The following NFKBIZ variants were observed in gnomAD, a reference collection of about 807,000 sequenced individuals.
NFKBIZ encodes NFKB inhibitor zeta.
Under a neutral mutation model 76.8 loss-of-function variants are expected in NFKBIZ, and 19 were observed. That is an observed-to-expected ratio of 0.25 (90% CI 0.17 to 0.36). The LOEUF (loss-of-function observed/expected upper bound fraction) is 0.36. Ranked by LOEUF, NFKBIZ falls within the 10% of genes least tolerant of loss-of-function variation. The probability of loss-of-function intolerance (pLI) is 1.00; values close to 1 mark genes in which losing one functional copy is unlikely to be tolerated. For missense variants in NFKBIZ, 829 were observed against 910.9 expected, an observed-to-expected ratio of 0.91 and a Z score of 1.16; for synonymous variants, 368 against 354.8, an observed-to-expected ratio of 1.04 and a Z score of -0.42.
chr3:101,842,197 A>G (rs771576799), intron 2 of NFKBIZ, among the ~76,000 whole-genome samples: 1 of 152,150 alleles, frequency 6.6e-6, no homozygotes, highest in Non-Finnish European at 1.5e-5. Flanking sequence ...TTGGATATTA[A>G]GTGAGTCTTG....
At chr3:101,834,796 G>C (rs1407932624) in intron 2 of NFKBIZ, among the ~76,000 whole-genome samples, 4 of 152,226 alleles carry the variant, frequency 2.6e-5, no homozygotes, top group African/African-American at 9.6e-5. Context: ...GACTGTTGCA[G>C]AGTCTTTCCT....
chr3:101,833,185 T>C (rs908587049), intron 2 of NFKBIZ, among the ~76,000 whole-genome samples: 1 of 152,192 alleles, frequency 6.6e-6, no homozygotes, highest in Admixed American at 6.5e-5. Context: ...TTTGGACCGC[T>C]GGCAATGCAG....
intron 3 of NFKBIZ, 58 bp from the exon 4 acceptor site, chr3:101,852,828 T>G (rs1265633618): frequency 6.2e-7 from 1 of 1,601,938 alleles, no homozygotes; most frequent in Non-Finnish European, 8.5e-7. Flanking sequence ...TAGAGTGTAA[T>G]TATGGGTAAC....
intron 2 of NFKBIZ, among the ~76,000 whole-genome samples, chr3:101,833,956 C>T (rs1024316917): frequency 6.6e-6 from 1 of 152,174 alleles, no homozygotes; most frequent in Non-Finnish European, 1.5e-5. Flanking sequence ...GCTCTCCAAA[C>T]TTCATGGTTG....
chr3:101,854,546 G>A (rs756360782), intron 5 of NFKBIZ, 32 bp from the exon 6 acceptor site: 27 of 1,307,730 alleles, frequency 2.1e-5, no homozygotes, highest in Admixed American at 5.5e-5. Flanking sequence ...AATCAGAAGT[G>A]ATTCACCCGC....
At position 101,855,473 on chromosome 3, in the gene NFKBIZ, C is replaced by T. The variant is rs1560089203; in HGVS notation, c.1654+15C>T. On this transcript the variant is annotated intron_variant, in intron 8 of 11. Coordinates refer to ENST00000326172, the MANE Select transcript of NFKBIZ (RefSeq NM_031419.4). ...TAACTATGATGGTAAGCAACTGAAA[C>T]TTTATTAGATTCAGAGCCACTTAGG... 6.2e-7 allele frequency: 1 copy of T among 1,611,568 alleles called. No homozygotes were observed. The highest frequency in any genetic ancestry group is 1.7e-5 in the Admixed American group (1 of 60,010).
Position 101,857,058 on chromosome 3 carries a change from C to G in NFKBIZ, c.1825-15C>G. The G allele has an allele frequency of 6.5e-7, 1 of 1,539,774 alleles. No homozygotes were observed. The highest frequency in any genetic ancestry group is 8.9e-7 in the Non-Finnish European group (1 of 1,125,566). On this transcript the variant is annotated splice_polypyrimidine_tract_variant and intron_variant, in intron 9 of 11. Transcript: ENST00000326172. Reference sequence around the variant, plus strand: ...ATTTTTTTTTTTTTTTTTCCTCCCTCTTGCCTTTGACAAGGATCGCAAAAG... The same window carrying G: ...ATTTTTTTTTTTTTTTTTCCTCCCTGTTGCCTTTGACAAGGATCGCAAAAG...
intron 8 of NFKBIZ, 21 bp from the exon 9 acceptor site, chr3:101,855,712 T>C (rs1943039880): frequency 1.9e-6 from 3 of 1,568,526 alleles, no homozygotes; most frequent in Non-Finnish European, 2.6e-6. Context: ...TGACCACTGC[T>C]TGATTATACT....
chr3:101,854,785 G>T, intron 6 of NFKBIZ, 102 bp downstream of exon 6: 1 of 786,970 alleles, frequency 1.3e-6, no homozygotes, highest in Non-Finnish European at 2.0e-6. Context: ...AAGATCAAGA[G>T]AGTTTAGTTA....
rs779117101 is a variant in NFKBIZ at position 101,849,911 on chromosome 3, C to A, written c.283C>A (p.Gln95Lys). Residue 95 changes from glutamine to lysine, a missense_variant, in exon 1 of 12, where the codon CAG (glutamine) becomes AAG (lysine). Physicochemically the swap from Gln to Lys is moderately conservative, Grantham distance 53. Coordinates refer to ENST00000326172, the MANE Select transcript of NFKBIZ (RefSeq NM_031419.4). Reference protein sequence around the residue: ...RSRGGARAERQPVEPHMGVGR... With the variant: ...RSRGGARAERKPVEPHMGVGR... ...GAGAGGCGGCGCCCGCGCCGAGCGC[C>A]AGCCAGGTACCCGCCGGCCCCGCAC... 3.8e-3 allele frequency: 5,357 copies of A among 1,421,284 alleles called. 6 individuals carry two copies. The highest frequency in any genetic ancestry group is 4.5e-3 in the Non-Finnish European group (4,976 of 1,095,976). The allele number at this position is 1,421,284 out of a possible 1,614,324, so 88.0% of individuals were successfully genotyped here. A position where few individuals can be genotyped will look rare whatever the true frequency, so the allele number is the denominator to read the frequency against.
intron 2 of NFKBIZ, among the ~76,000 whole-genome samples, chr3:101,830,813 AT>A (rs1942637673): frequency 1.3e-5 from 2 of 152,204 alleles, no homozygotes; most frequent in Admixed American, 1.3e-4. Flanking sequence ...TTTTGATAGA[AT>A]GGGAAATATA....
Position 101,836,536 on chromosome 3 carries a change from G to A in NFKBIZ, c.-12+6848G>A, listed in dbSNP as rs576053168. 7.9e-5 allele frequency among the ~76,000 whole-genome samples: 12 copies of A among 152,204 alleles called. No homozygotes were observed. In the East Asian group the frequency reaches 9.7e-4, roughly 12 times the overall value. On this transcript the variant is annotated intron_variant, in intron 2 of 12. Transcript: ENST00000394054. ...GGCCTTTCTGTTCAGTACTGTATTC[G>A]CAGTATCTGGAAGCGTGTCCGGAAC...
At position 101,853,843 on chromosome 3, in the gene NFKBIZ, A is replaced by G. The variant is rs1254079120; in HGVS notation, c.1317A>G (p.Ser439=). 6.2e-7 allele frequency: 1 copy of G among 1,613,146 alleles called. No homozygotes were observed. Among genetic ancestry groups the G allele is most frequent in the South Asian group, 1.1e-5 (1 of 91,080 alleles). ...ATATTTCCCAAGACCAGTTTCTTTC[A>G]AAGGATGCAGATGGTGACACGTGAG... ...LANISQDQFL[S]KDADGDTFLH... is the part of the protein sequence containing the mutation. Residue 439 remains serine, a synonymous_variant, in exon 5 of 12, where the codon TCA becomes TCG. Coordinates refer to ENST00000326172, the MANE Select transcript of NFKBIZ (RefSeq NM_031419.4).
At chr3:101,856,437 A>G (rs879419982) in intron 9 of NFKBIZ, among the ~76,000 whole-genome samples, 4 of 152,248 alleles carry the variant, frequency 2.6e-5, no homozygotes, top group Admixed American at 2.0e-4. Flanking sequence ...TCATTTAGGT[A>G]TAAAATAAAT....
chr3:101,849,433 C>T, upstream of NFKBIZ: 1 of 395,076 alleles, frequency 2.5e-6, no homozygotes. Flanking sequence ...GCCCGGGCAC[C>T]GCCAATGGCC....
chr3:101,845,283 A>G (rs1191343649), upstream of NFKBIZ, among the ~76,000 whole-genome samples: 5 of 150,590 alleles, frequency 3.3e-5, no homozygotes, highest in Admixed American at 2.6e-4. Context: ...AAGAAAAAAA[A>G]AATCCAATTC....
chr3:101,831,231 C>T (rs2107391636), intron 2 of NFKBIZ, among the ~76,000 whole-genome samples: 1 of 152,222 alleles, frequency 6.6e-6, no homozygotes, highest in East Asian at 1.9e-4. Context: ...ATAGGTTCTT[C>T]AGGGAAAAAT....
At chr3:101,853,902 C>T (rs1348158166) in intron 5 of NFKBIZ, 39 bp downstream of exon 5, 2 of 1,576,774 alleles carry the variant, frequency 1.3e-6, no homozygotes, top group Admixed American at 1.7e-5. Context: ...ATTAGGTAAG[C>T]CACACTTGTT....
chr3:101,851,406 C>G (rs1175844546), intron 1 of NFKBIZ, among the ~76,000 whole-genome samples: 1 of 152,170 alleles, frequency 6.6e-6, no homozygotes, highest in Non-Finnish European at 1.5e-5. Context: ...AGGGGAAATC[C>G]TGTGTGCATA....
Sources: gnomAD v4.1 joint callset for allele counts (sites outside exome capture counted in the v4.1 genomes callset) on GRCh38, gnomAD v4.1.1 for gene constraint, MANE v1.5 for transcripts, NCBI Gene and HGNC (gene_info 2026-07-23, HGNC 2026-07-21) for gene names.